SPAG16: variants seen among roughly 807,000 people sequenced by gnomAD.
SPAG16 encodes sperm associated antigen 16.
Under a neutral mutation model 80.4 loss-of-function variants are expected in SPAG16, and 86 were observed. The ratio of observed to expected loss-of-function variants is 1.07; its 90% CI spans 0.90 to 1.28. The LOEUF (loss-of-function observed/expected upper bound fraction) is 1.28. Ranked by LOEUF, SPAG16 falls within the 50% of genes most tolerant of loss-of-function variation. The pLI, the probability that SPAG16 is intolerant of heterozygous loss-of-function variation, is 0.00. For synonymous variants in SPAG16, 294 were observed against 265.9 expected (o/e 1.11, Z -1.03); for missense variants, 870 against 765.3 (o/e 1.14, Z -1.61).
At chr2:213,988,137 C>T (rs528598481) in intron 12 of SPAG16, among the ~76,000 whole-genome samples, 2 of 151,780 alleles carry the variant, frequency 1.3e-5, no homozygotes, top group South Asian at 4.2e-4. Flanking sequence ...GTTTTTAACC[C>T]CTTTAAATAA....
chr2:213,303,481 C>G (rs1478477770), intron 3 of SPAG16, among the ~76,000 whole-genome samples: 1 of 151,916 alleles, frequency 6.6e-6, no homozygotes, highest in Non-Finnish European at 1.5e-5. Context: ...CTATCAAATA[C>G]TAGATCTTAC....
rs1249613924 is a variant in SPAG16, at chr2:213,912,976, A to G, written c.1215-16984A>G. ...ACCTACCTATTTGACCCATTCCCCT[A>G]CTTAGCACCTAGAGACAATCAATCA... On this transcript the variant is annotated intron_variant, in intron 11 of 15. Coordinates refer to ENST00000331683, the MANE Select transcript of SPAG16 (RefSeq NM_024532.5). 6.6e-5 allele frequency among the ~76,000 whole-genome samples: 10 copies of G among 152,262 alleles called. No homozygotes were observed. The South Asian group carries it at 1.7e-3, about 25-fold the overall frequency.
At position 213,605,552 on chromosome 2, in the gene SPAG16, C is replaced by A. The variant is rs112113433; in HGVS notation, c.1070+115462C>A. 4.7e-3 allele frequency among the ~76,000 whole-genome samples: 713 copies of A among 152,144 alleles called. 4 individuals are homozygous for A. Among genetic ancestry groups the A allele is most frequent in the African/African-American group, 0.016 (676 of 41,476 alleles). On this transcript the variant is annotated intron_variant, in intron 10 of 15. Transcript: ENST00000331683. ...TTCCCTGGGCTAGTGTGCAATGGCCCGGTCTCGGCTCACTGCAACCTCCAC... is the reference window on the plus strand; with the variant it reads ...TTCCCTGGGCTAGTGTGCAATGGCCAGGTCTCGGCTCACTGCAACCTCCAC...
intron 10 of SPAG16, among the ~76,000 whole-genome samples, chr2:213,786,795 A>T (rs2070369371): frequency 6.6e-6 from 1 of 152,144 alleles, no homozygotes; most frequent in East Asian, 1.9e-4. Flanking sequence ...AACTGATTTG[A>T]GCTGTGTTCT....
intron 10 of SPAG16, among the ~76,000 whole-genome samples, chr2:213,560,632 A>AT (rs1413857418): frequency 6.6e-6 from 1 of 152,146 alleles, no homozygotes; most frequent in Non-Finnish European, 1.5e-5. Context: ...TTCTGGTGAT[A>AT]TAAGTTGTAT....
chr2:214,139,690 T>C (rs1311306712), intron 14 of SPAG16, among the ~76,000 whole-genome samples: 3 of 152,140 alleles, frequency 2.0e-5, no homozygotes, highest in African/African-American at 7.2e-5. Context: ...TCTGAGCTTT[T>C]CTTCCTGCTC....
intron 10 of SPAG16, among the ~76,000 whole-genome samples, chr2:213,705,345 G>A (rs1449185100): frequency 2.0e-5 from 3 of 152,206 alleles, no homozygotes; most frequent in Admixed American, 2.0e-4. Flanking sequence ...TTGATTTAAA[G>A]TGTCACACTG....
At chr2:213,974,504 A>G (rs1220392435) in intron 12 of SPAG16, among the ~76,000 whole-genome samples, 1 of 152,024 alleles carries the variant, frequency 6.6e-6, no homozygotes, top group East Asian at 1.9e-4. Context: ...ATTTAGCTTC[A>G]GAGTATGTTT....
chr2:213,419,694 C>G (rs1319803368), intron 9 of SPAG16, among the ~76,000 whole-genome samples: 3 of 152,066 alleles, frequency 2.0e-5, no homozygotes, highest in Non-Finnish European at 4.4e-5. Context: ...GAAAAGAATT[C>G]ACATTACATG....
intron 10 of SPAG16, among the ~76,000 whole-genome samples, chr2:213,549,275 T>C (rs963578680): frequency 6.6e-6 from 1 of 151,926 alleles, no homozygotes; most frequent in Non-Finnish European, 1.5e-5. Context: ...AAATTTTCTC[T>C]TATATTATTT....
chr2:213,627,227 T>C (rs2061992753), intron 10 of SPAG16, among the ~76,000 whole-genome samples: 1 of 152,206 alleles, frequency 6.6e-6, no homozygotes, highest in African/African-American at 2.4e-5. Flanking sequence ...TATAAGATCC[T>C]GCATGGCAGA....
At chr2:213,645,847 C>T (rs930052485) in intron 10 of SPAG16, among the ~76,000 whole-genome samples, 1 of 152,152 alleles carries the variant, frequency 6.6e-6, no homozygotes, top group African/African-American at 2.4e-5. Flanking sequence ...GTCCTTATGA[C>T]CCAGACTGCC....
intron 12 of SPAG16, among the ~76,000 whole-genome samples, chr2:213,958,470 G>T (rs113777883): frequency 2.6e-5 from 4 of 151,996 alleles, no homozygotes; most frequent in African/African-American, 9.7e-5. Context: ...CTTCTGGTAT[G>T]ATAAAATTAA....
chr2:213,389,417 A>G (rs1265927371), intron 9 of SPAG16, among the ~76,000 whole-genome samples: 1 of 152,148 alleles, frequency 6.6e-6, no homozygotes, highest in Non-Finnish European at 1.5e-5. Flanking sequence ...GACTTTATAA[A>G]CATTTTAAAA....
chr2:214,356,269 G>A lies in SPAG16; in HGVS notation c.1721-53871G>A, dbSNP rs150175631. Among the ~76,000 whole-genome samples the A allele has an allele frequency of 2.1e-3, 314 of 152,080 alleles. 1 individual carries two copies. The highest frequency in any genetic ancestry group is 0.018 in the East Asian group (92 of 5,170). The stretch of plus-strand genomic sequence containing the variant: ...TACATTTTACTCCTGAAGTAAACAT[G>A]TTAAATAAACACATTGCTTGTCCTT... On this transcript the variant is annotated intron_variant, in intron 15 of 15. Coordinates refer to ENST00000331683, the MANE Select transcript of SPAG16 (RefSeq NM_024532.5).
At chr2:213,509,718 A>G (rs2075144965) in intron 10 of SPAG16, among the ~76,000 whole-genome samples, 1 of 152,206 alleles carries the variant, frequency 6.6e-6, no homozygotes, top group African/African-American at 2.4e-5. Context: ...GAAAGCATGA[A>G]AGATCTAAAA....
At chr2:213,488,667 A>G (rs529880200) in intron 9 of SPAG16, among the ~76,000 whole-genome samples, 71 of 152,302 alleles carry the variant, frequency 4.7e-4, no homozygotes, top group Non-Finnish European at 7.8e-4. Flanking sequence ...TAATTAAACC[A>G]CAGTGTTAAT....
chr2:214,369,237 C>T (rs1367225526), intron 15 of SPAG16, among the ~76,000 whole-genome samples: 1 of 151,982 alleles, frequency 6.6e-6, no homozygotes, highest in Non-Finnish European at 1.5e-5. Flanking sequence ...CTCTTGGCAA[C>T]CTCTCACCTT....
chr2:214,302,989 C>T (rs1257999968), intron 15 of SPAG16, among the ~76,000 whole-genome samples: 2 of 152,066 alleles, frequency 1.3e-5, no homozygotes, highest in Non-Finnish European at 2.9e-5. Context: ...CTTTTTCTAC[C>T]ACTTTACTTT....
Sources: gnomAD v4.1 joint callset for allele counts (sites outside exome capture counted in the v4.1 genomes callset) on GRCh38, gnomAD v4.1.1 for gene constraint, MANE v1.5 for transcripts, NCBI Gene and HGNC (gene_info 2026-07-23, HGNC 2026-07-21) for gene names.